Variants in FBXW12 observed in about 807,000 individuals in gnomAD.
FBXW12 encodes F-box/WD repeat-containing protein 12.
FBXW12 carries 43 observed loss-of-function variants against 55.3 expected under a neutral mutation model. The observed-to-expected ratio is 0.78, with a 90% CI of 0.61 to 1.00. The LOEUF (loss-of-function observed/expected upper bound fraction) is 1.00, where lower values mean the gene tolerates loss of function less well. Among genes scored for constraint, FBXW12 ranks in the 50% least tolerant of loss-of-function variants. The pLI is 0.00. For missense variants in FBXW12, 524 were observed against 560.5 expected, an observed-to-expected ratio of 0.93 and a Z score of 0.66; for synonymous variants, 184 against 203.8, an observed-to-expected ratio of 0.90 and a Z score of 0.83.
chr3:48,391,106 C>CAAA (rs587685327), intron 10 of FBXW12, among the ~76,000 whole-genome samples: 7 of 82,906 alleles, frequency 8.4e-5, no homozygotes, highest in East Asian at 3.3e-4. Context: ...CCTGTCTCTA[C>CAAA]AAAAAAAAAA....
Position 48,393,823 on chromosome 3 carries a change from G to A in FBXW12, c.1296-737G>A, listed in dbSNP as rs1421844645. On this transcript the variant is annotated intron_variant, in intron 10 of 10. Transcript: ENST00000296438. The stretch of plus-strand genomic sequence containing the variant: ...AGATGGAATATTGCTGTGTCACCCA[G>A]CCTGGAGTGCAGTAGCGCGATCTCG... 1.4e-4 allele frequency among the ~76,000 whole-genome samples: 21 copies of A among 145,814 alleles called. 1 individual carries two copies. Among genetic ancestry groups the A allele is most frequent in the Admixed American group, 1.1e-3 (15 of 14,220 alleles).
rs377678691 is a variant in FBXW12 at position 48,382,039 on chromosome 3, A to G, written c.1249A>G (p.Ser417Gly). Reference protein sequence around the residue: ...EEGGRHPYLRSCCHLENTWHD... With the variant: ...EEGGRHPYLRGCCHLENTWHD... Reference sequence around the variant, plus strand: ...AGGAGGCCGCCATCCATACCTCAGGAGCTGCTGTCACCTGGAAAACACGTG... The same window carrying G: ...AGGAGGCCGCCATCCATACCTCAGGGGCTGCTGTCACCTGGAAAACACGTG... The change falls in exon 10 of 11, where the codon AGC (serine) becomes GGC (glycine). Residue 417 changes from serine (S) to glycine (G), a missense_variant. Coordinates refer to ENST00000296438, the MANE Select transcript of FBXW12 (RefSeq NM_207102.2). 2.0e-4 allele frequency: 320 copies of G among 1,614,144 alleles called. 1 individual carries two copies. The Middle Eastern group carries it at 2.8e-3, about 14-fold the overall frequency.
intron 3 of FBXW12, 78 bp from the exon 4 acceptor site, chr3:48,373,470 G>A: frequency 1.2e-6 from 2 of 1,604,190 alleles, no homozygotes; most frequent in South Asian, 2.2e-5. Context: ...GTGTGAGTAG[G>A]GGGTTGTGAT....
intron 1 of FBXW12, 43 bp downstream of exon 1, chr3:48,372,363 T>A (rs1358585551): frequency 1.3e-6 from 2 of 1,548,622 alleles, no homozygotes; most frequent in Admixed American, 3.9e-5. Context: ...TTCCAGGAGT[T>A]TGGAACTTAA....
At chr3:48,381,059 G>C (rs1384418266) in intron 8 of FBXW12, 147 bp downstream of exon 8, 6 of 652,860 alleles carry the variant, frequency 9.2e-6, no homozygotes, top group African/African-American at 2.0e-5. Flanking sequence ...GTCTTGCTCT[G>C]TTGCCCAGGC....
At chr3:48,387,041 G>A (rs1284467509) in intron 10 of FBXW12, among the ~76,000 whole-genome samples, 3 of 151,484 alleles carry the variant, frequency 2.0e-5, no homozygotes, top group African/African-American at 4.8e-5. Flanking sequence ...GGGTTCAAGC[G>A]ATTCTCCTGC....
At chr3:48,381,003 A>G (rs1333430094) in intron 8 of FBXW12, 91 bp downstream of exon 8, 1 of 1,046,116 alleles carries the variant, frequency 9.6e-7, no homozygotes, top group Non-Finnish European at 1.4e-6. Context: ...GCCTGTATAA[A>G]GTGAGCAGGG....
At chr3:48,382,115 C>G (rs2036785345) in intron 10 of FBXW12, 30 bp downstream of exon 10, 1 of 1,611,792 alleles carries the variant, frequency 6.2e-7, no homozygotes, top group East Asian at 2.2e-5. Flanking sequence ...GTAAACATCC[C>G]CTAAACAACT....
chr3:48,373,209 C>A (rs2036628728), intron 2 of FBXW12, 99 bp from the exon 3 acceptor site: 26 of 1,569,212 alleles, frequency 1.7e-5, no homozygotes, highest in Non-Finnish European at 7.9e-6. Context: ...TCTGATTAAC[C>A]TGTGCGGGCC....
chr3:48,387,929 A>G (rs759391470), intron 10 of FBXW12, among the ~76,000 whole-genome samples: 17 of 152,098 alleles, frequency 1.1e-4, no homozygotes, highest in Non-Finnish European at 2.2e-4. Context: ...AAATATAAGC[A>G]TTTGGTGTTC....
intron 10 of FBXW12, among the ~76,000 whole-genome samples, chr3:48,391,694 A>G (rs1270184220): frequency 6.6e-6 from 1 of 152,104 alleles, no homozygotes; most frequent in Non-Finnish European, 1.5e-5. Context: ...TTTTTGTCAC[A>G]AAGGGATACT....
chr3:48,374,329 A>ATAT (rs758156900), intron 4 of FBXW12, among the ~76,000 whole-genome samples: 1 of 137,910 alleles, frequency 7.3e-6, no homozygotes, highest in South Asian at 2.3e-4. Context: ...CAACCAGTTG[A>ATAT]TTTTTTTTTT....
chr3:48,391,068 G>A (rs971270461), intron 10 of FBXW12, among the ~76,000 whole-genome samples: 3 of 132,756 alleles, frequency 2.3e-5, no homozygotes, highest in Admixed American at 8.7e-5. Flanking sequence ...CCAGGAGTTC[G>A]AGACAAGCCT....
At position 48,375,334 on chromosome 3, in the gene FBXW12, T is replaced by G. The variant is rs776049882; in HGVS notation, c.287-20T>G. On this transcript the variant is annotated intron_variant, in intron 4 of 10. Transcript: ENST00000296438. Reference sequence around the variant, plus strand: ...ATCCCTTAACTATCTGGTGGCCAAGTCTTCTATGTTTCCTTCTAGCATTTG... The same window carrying G: ...ATCCCTTAACTATCTGGTGGCCAAGGCTTCTATGTTTCCTTCTAGCATTTG... 2.8e-6 allele frequency: 4 copies of G among 1,440,354 alleles called. No homozygotes were observed. Among genetic ancestry groups the G allele is most frequent in the Non-Finnish European group, 3.9e-6 (4 of 1,023,544 alleles). 89.2% of individuals were successfully genotyped at this position (1,440,354 alleles called of 1,614,324 possible).
At chr3:48,373,522 T>G (rs1398822941) in intron 3 of FBXW12, 26 bp from the exon 4 acceptor site, 1 of 1,609,574 alleles carries the variant, frequency 6.2e-7, no homozygotes, top group African/African-American at 1.3e-5. Context: ...GAGAACAGCC[T>G]GATGGGACTG....
chr3:48,392,653 C>T (rs1223132678), intron 10 of FBXW12, among the ~76,000 whole-genome samples: 1 of 152,078 alleles, frequency 6.6e-6, no homozygotes, highest in East Asian at 1.9e-4. Flanking sequence ...ATGCTGCTGA[C>T]CAGGGATACT....
At chr3:48,374,183 C>T (rs919677806) in intron 4 of FBXW12, among the ~76,000 whole-genome samples, 1 of 152,012 alleles carries the variant, frequency 6.6e-6, no homozygotes, top group African/African-American at 2.4e-5. Flanking sequence ...AAAAATTAGC[C>T]TGGGTGACAG....
chr3:48,375,507 T>TA (rs2036670245), intron 5 of FBXW12, 35 bp downstream of exon 5: 1 of 1,231,796 alleles, frequency 8.1e-7, no homozygotes, highest in Non-Finnish European at 1.2e-6. Context: ...AAGTACTGCA[T>TA]ATTTGCATCC....
At chr3:48,387,928 C>T (rs2036870465) in intron 10 of FBXW12, among the ~76,000 whole-genome samples, 1 of 152,086 alleles carries the variant, frequency 6.6e-6, no homozygotes, top group Non-Finnish European at 1.5e-5. Context: ...AAAATATAAG[C>T]ATTTGGTGTT....
Sources: gnomAD v4.1 joint callset for allele counts (sites outside exome capture counted in the v4.1 genomes callset) on GRCh38, gnomAD v4.1.1 for gene constraint, MANE v1.5 for transcripts, NCBI Gene and HGNC (gene_info 2026-07-23, HGNC 2026-07-21) for gene names.